RANBP2: variants seen among roughly 807,000 people sequenced by gnomAD.
RANBP2 encodes the protein RAN binding protein 2, also known as E3 SUMO-protein ligase RanBP2.
A neutral mutation model predicts 303.6 loss-of-function variants in RANBP2; 57 were observed. That is an observed-to-expected ratio of 0.19 (90% CI 0.15 to 0.23). The LOEUF is 0.23. Among genes scored for constraint, RANBP2 ranks in the 10% least tolerant of loss-of-function variants. The pLI is 1.00. For missense variants in RANBP2, 3,138 were observed against 3,780.8 expected (o/e 0.83, Z 4.46); for synonymous variants, 1,167 against 1,301.5 (o/e 0.90, Z 2.23).
At chr2:109,591,795 G>C in the RANBP2 span, among the ~76,000 whole-genome samples, 1 of 152,084 alleles carries the variant, frequency 6.6e-6, no homozygotes, top group Non-Finnish European at 1.5e-5. Flanking sequence ...CTATTTGGGG[G>C]GCTGAGGCAT....
chr2:109,362,774 G>A, the RANBP2 span, among the ~76,000 whole-genome samples: 1 of 152,146 alleles, frequency 6.6e-6, no homozygotes, highest in African/African-American at 2.4e-5. Context: ...TAATGATAAG[G>A]ATTATTATGT....
the RANBP2 span, among the ~76,000 whole-genome samples, chr2:109,285,755 A>C: frequency 6.6e-6 from 1 of 152,306 alleles, no homozygotes; most frequent in South Asian, 2.1e-4. Flanking sequence ...TGCCTTGTGG[A>C]ACCTGGATCC....
At chr2:108,813,188 G>T in the RANBP2 span, among the ~76,000 whole-genome samples, 2 of 145,400 alleles carry the variant, frequency 1.4e-5, no homozygotes. Context: ...GGCGGAGGTT[G>T]CAGTGAGCCG....
the RANBP2 span, among the ~76,000 whole-genome samples, chr2:109,486,919 A>C: frequency 6.6e-6 from 1 of 152,234 alleles, no homozygotes; most frequent in Non-Finnish European, 1.5e-5. Flanking sequence ...TGTTCCTAAC[A>C]GATCCGGCTG....
the RANBP2 span, among the ~76,000 whole-genome samples, chr2:109,238,727 TC>T: frequency 6.6e-6 from 1 of 152,256 alleles, no homozygotes; most frequent in South Asian, 2.1e-4. Flanking sequence ...GCTCAAGACT[TC>T]CTTCCCCCAG....
chr2:108,882,897 G>A, the RANBP2 span: 2 of 152,158 alleles, frequency 1.3e-5, no homozygotes, highest in Non-Finnish European at 2.9e-5. Flanking sequence ...CGCAAGTAGG[G>A]TGGGGCTAAA....
At chr2:108,752,582 G>A (rs1458734316) in intron 12 of RANBP2, among the ~76,000 whole-genome samples, 1 of 141,604 alleles carries the variant, frequency 7.1e-6, no homozygotes, top group African/African-American at 2.6e-5. Flanking sequence ...ATCATTCCTG[G>A]CTAACACGGT....
At chr2:108,803,917 GT>G in the RANBP2 span, among the ~76,000 whole-genome samples, 1 of 152,222 alleles carries the variant, frequency 6.6e-6, no homozygotes, top group South Asian at 2.1e-4. Context: ...GAAAATATTA[GT>G]TTTAAAAATA....
chr2:109,159,400 G>A, the RANBP2 span, among the ~76,000 whole-genome samples: 65 of 152,352 alleles, frequency 4.3e-4, no homozygotes, highest in African/African-American at 1.4e-3. Context: ...GAACCAGGGC[G>A]GGCATGAGGC....
At chr2:109,366,222 C>G in the RANBP2 span, among the ~76,000 whole-genome samples, 1 of 152,136 alleles carries the variant, frequency 6.6e-6, no homozygotes, top group South Asian at 2.1e-4. Flanking sequence ...TTAATGATGA[C>G]ATTCCACTTT....
the RANBP2 span, chr2:108,815,851 T>C: frequency 9.2e-7 from 1 of 1,081,948 alleles, no homozygotes; most frequent in Non-Finnish European, 1.3e-6. Context: ...TTTAGTCAAA[T>C]TATTCTTATT....
intron 1 of RANBP2, among the ~76,000 whole-genome samples, chr2:108,727,236 G>A (rs1248121197): frequency 6.6e-6 from 1 of 152,208 alleles, no homozygotes; most frequent in Non-Finnish European, 1.5e-5. Context: ...CTCAGAAGAG[G>A]TGAGTTTTTG....
the RANBP2 span, chr2:109,614,784 G>T: frequency 3.4e-6 from 5 of 1,476,980 alleles, no homozygotes; most frequent in Admixed American, 2.3e-5. Context: ...GCGAATCCAG[G>T]TGACCGCCGA....
chr2:109,459,807 G>A, the RANBP2 span, among the ~76,000 whole-genome samples: 3 of 152,162 alleles, frequency 2.0e-5, no homozygotes, highest in Non-Finnish European at 4.4e-5. Flanking sequence ...AATGTTGTGA[G>A]AACAAGAAGC....
chr2:109,219,759 A>G, the RANBP2 span, among the ~76,000 whole-genome samples: 1 of 152,238 alleles, frequency 6.6e-6, no homozygotes, highest in Non-Finnish European at 1.5e-5. Context: ...GGCACACTGA[A>G]AACTACAACA....
At chr2:109,292,923 G>A in the RANBP2 span, among the ~76,000 whole-genome samples, 57 of 152,194 alleles carry the variant, frequency 3.7e-4, no homozygotes, top group African/African-American at 1.4e-3. Context: ...GTAGAGACAG[G>A]GTTTCACCAT....
chr2:109,453,856 A>G, the RANBP2 span, among the ~76,000 whole-genome samples: 1 of 152,172 alleles, frequency 6.6e-6, no homozygotes, highest in African/African-American at 2.4e-5. Context: ...CGGGGCACAG[A>G]TGGGAGGATC....
chr2:108,966,466 C>G, the RANBP2 span, among the ~76,000 whole-genome samples: 5 of 152,080 alleles, frequency 3.3e-5, no homozygotes, highest in Non-Finnish European at 7.4e-5. Context: ...TATGCCTCAT[C>G]TCGCGGGCCC....
chr2:109,431,701 A>G, the RANBP2 span, among the ~76,000 whole-genome samples: 1 of 152,178 alleles, frequency 6.6e-6, no homozygotes, highest in African/African-American at 2.4e-5. Flanking sequence ...GTGGGACCCC[A>G]TCTTTACAAA....
Sources: allele counts gnomAD v4.1 joint callset (sites outside exome capture counted in the v4.1 genomes callset), GRCh38; gene constraint gnomAD v4.1.1; transcripts MANE v1.5; gene names NCBI Gene and HGNC (gene_info 2026-07-23, HGNC 2026-07-21).